Variants in PSD3 observed in about 807,000 individuals in gnomAD.
PSD3 encodes PH and SEC7 domain-containing protein 3.
A neutral mutation model predicts 105.5 loss-of-function variants in PSD3; 49 were observed. The ratio of observed to expected loss-of-function variants is 0.46; its 90% CI spans 0.37 to 0.59. The LOEUF (loss-of-function observed/expected upper bound fraction) is 0.59, where lower values mean the gene tolerates loss of function less well. Among genes scored for constraint, PSD3 ranks in the 20% least tolerant of loss-of-function variants. PSD3 has a pLI of 0.00. For synonymous variants in PSD3, 557 were observed against 457.8 expected (o/e 1.22, Z -2.77); for missense variants, 1,561 against 1,263.8 (o/e 1.24, Z -3.57).
intron 1 of PSD3, among the ~76,000 whole-genome samples, chr8:18,962,245 T>A (rs1414264791): frequency 2.7e-5 from 4 of 150,760 alleles, no homozygotes; most frequent in African/African-American, 7.3e-5. Flanking sequence ...AGACTCCATC[T>A]CCAAAAAAAA....
intron 4 of PSD3, among the ~76,000 whole-genome samples, chr8:18,839,253 G>T (rs1227791389): frequency 1.3e-5 from 2 of 152,196 alleles, no homozygotes; most frequent in East Asian, 3.9e-4. Context: ...ACAGAGCATG[G>T]ACAGAAGAGA....
At chr8:18,745,923 T>C (rs560720434) in intron 9 of PSD3, among the ~76,000 whole-genome samples, 1 of 152,324 alleles carries the variant, frequency 6.6e-6, no homozygotes, top group East Asian at 1.9e-4. Context: ...GTTTGTTTAT[T>C]TGCATATCCT....
intron 9 of PSD3, among the ~76,000 whole-genome samples, chr8:18,694,742 A>T (rs989955781): frequency 2.6e-5 from 4 of 152,062 alleles, no homozygotes; most frequent in African/African-American, 9.7e-5. Flanking sequence ...TTGGGAGGCC[A>T]AGACAGGCGG....
chr8:19,064,449 A>G (rs1455610699), intron 1 of PSD3, among the ~76,000 whole-genome samples: 1 of 152,194 alleles, frequency 6.6e-6, no homozygotes, highest in East Asian at 1.9e-4. Context: ...ATACAAGCAT[A>G]CGATGTGTAA....
chr8:18,593,719 G>A (rs1049745213), intron 12 of PSD3, among the ~76,000 whole-genome samples: 5 of 151,920 alleles, frequency 3.3e-5, no homozygotes, highest in African/African-American at 7.3e-5. Flanking sequence ...GACTTGGAAC[G>A]AACCCAAATG....
intron 11 of PSD3, among the ~76,000 whole-genome samples, chr8:18,605,913 C>T (rs551254844): frequency 6.6e-6 from 1 of 152,214 alleles, no homozygotes; most frequent in African/African-American, 2.4e-5. Context: ...TGAGGCCTTC[C>T]CAGACACTGA....
At chr8:18,919,252 C>T (rs906948501) in intron 2 of PSD3, among the ~76,000 whole-genome samples, 2 of 152,200 alleles carry the variant, frequency 1.3e-5, no homozygotes, top group African/African-American at 2.4e-5. Context: ...GATAGAGAAA[C>T]GCCAGCCAGG....
At chr8:18,859,599 T>C (rs1246518852) in intron 4 of PSD3, among the ~76,000 whole-genome samples, 5 of 152,252 alleles carry the variant, frequency 3.3e-5, no homozygotes, top group Non-Finnish European at 5.9e-5. Flanking sequence ...TTATCAATTA[T>C]CCCAGCTAGA....
At chr8:19,053,474 T>C (rs982441553) in intron 1 of PSD3, among the ~76,000 whole-genome samples, 1 of 152,160 alleles carries the variant, frequency 6.6e-6, no homozygotes, top group Non-Finnish European at 1.5e-5. Flanking sequence ...AGACTTAAGA[T>C]GAACTTGGAA....
In PSD3 at chr8:19,063,968, C is replaced by T. The variant is rs182171162; in HGVS notation, c.324+20238G>A. ...ACCAGCCTGACCAACATGGTGAAAC[C>T]GTATCTCTACTAAAAATACAAAATT... On this transcript the variant is annotated intron_variant, in intron 1 of 1. Transcript: ENST00000521475. Among the ~76,000 whole-genome samples the T allele has an allele frequency of 5.9e-5, 9 of 151,942 alleles. No homozygotes were observed. In the East Asian group the frequency reaches 9.7e-4, roughly 16 times the overall value.
chr8:18,964,032 T>C (rs561916071), intron 1 of PSD3, among the ~76,000 whole-genome samples: 1 of 152,352 alleles, frequency 6.6e-6, no homozygotes, highest in African/African-American at 2.4e-5. Context: ...TTTCTACATA[T>C]ACTTGCCTAT....
intron 2 of PSD3, among the ~76,000 whole-genome samples, chr8:18,902,371 T>C (rs1402104874): frequency 1.3e-5 from 2 of 152,250 alleles, no homozygotes; most frequent in South Asian, 2.1e-4. Context: ...CTTTGCTGAA[T>C]TTCTCATTCA....
chr8:18,656,317 C>T (rs1585521414), intron 9 of PSD3, among the ~76,000 whole-genome samples: 1 of 150,600 alleles, frequency 6.6e-6, no homozygotes, highest in Admixed American at 6.6e-5. Context: ...CTCAGCCTCC[C>T]AAAGTGCTGG....
intron 1 of PSD3, among the ~76,000 whole-genome samples, chr8:18,973,756 G>C (rs1824779775): frequency 6.6e-6 from 1 of 152,184 alleles, no homozygotes; most frequent in Non-Finnish European, 1.5e-5. Context: ...CATGAAGTGG[G>C]AGTATTAGAG....
chr8:18,542,458 A>G (rs1451716878), intron 15 of PSD3, among the ~76,000 whole-genome samples: 1 of 152,222 alleles, frequency 6.6e-6, no homozygotes, highest in African/African-American at 2.4e-5. Flanking sequence ...TAAACAAATA[A>G]TAACAATATT....
chr8:18,558,593 C>T lies in PSD3; in HGVS notation c.2785-2241G>A, dbSNP rs1246193991. Among the ~76,000 whole-genome samples the T allele has an allele frequency of 3.3e-5, 5 of 152,204 alleles. No homozygotes were observed. In the East Asian group the frequency reaches 9.7e-4, roughly 29 times the overall value. On this transcript the variant is annotated intron_variant, in intron 14 of 15. Coordinates refer to ENST00000327040, the MANE Select transcript of PSD3 (RefSeq NM_015310.4). ...ATCCCAGCACTTTGGGAGGCTGAGG[C>T]AGGTGGATCACAAGGTCAGGAGTTT...
At chr8:18,786,411 T>C (rs918102167) in intron 8 of PSD3, among the ~76,000 whole-genome samples, 4 of 152,232 alleles carry the variant, frequency 2.6e-5, no homozygotes, top group Non-Finnish European at 5.9e-5. Flanking sequence ...GTAAAGTCTA[T>C]GAAGCTATTT....
At chr8:18,764,768 C>T (rs1181044946) in intron 9 of PSD3, among the ~76,000 whole-genome samples, 1 of 152,084 alleles carries the variant, frequency 6.6e-6, no homozygotes, top group African/African-American at 2.4e-5. Flanking sequence ...ATCAAAAAGA[C>T]AACTGTAAAA....
At chr8:18,691,285 G>C (rs1215500778) in intron 9 of PSD3, among the ~76,000 whole-genome samples, 2 of 152,230 alleles carry the variant, frequency 1.3e-5, no homozygotes, top group African/African-American at 4.8e-5. Context: ...AGTCATGTAA[G>C]ATGTTTTAGA....
Sources: gnomAD v4.1 joint callset for allele counts (sites outside exome capture counted in the v4.1 genomes callset) on GRCh38, gnomAD v4.1.1 for gene constraint, MANE v1.5 for transcripts, NCBI Gene and HGNC (gene_info 2026-07-23, HGNC 2026-07-21) for gene names.